CDH4: variants seen among roughly 807,000 people sequenced by gnomAD.
CDH4 encodes the protein cadherin 4, also known as cadherin-4.
In CDH4, 33 loss-of-function variants were observed where a neutral mutation model predicts 86.0. The observed-to-expected ratio is 0.38, with a 90% CI of 0.29 to 0.51. The LOEUF (loss-of-function observed/expected upper bound fraction) is 0.51, where lower values mean the gene tolerates loss of function less well. Among genes scored for constraint, CDH4 ranks in the 20% least tolerant of loss-of-function variants. CDH4 has a pLI of 0.86. For missense variants in CDH4, 1,114 were observed against 1,307.4 expected, an observed-to-expected ratio of 0.85 and a Z score of 2.28; for synonymous variants, 555 against 549.4, an observed-to-expected ratio of 1.01 and a Z score of -0.14.
intron 6 of CDH4, among the ~76,000 whole-genome samples, chr20:61,858,493 ATG>A (rs1983168460): frequency 1.2e-5 from 1 of 86,014 alleles, no homozygotes; most frequent in African/African-American, 4.6e-5. Context: ...CTGTGTCTGT[ATG>A]TGTGTGTCTG....
chr20:61,525,687 C>G (rs922595688), intron 2 of CDH4, among the ~76,000 whole-genome samples: 1 of 152,172 alleles, frequency 6.6e-6, no homozygotes, highest in East Asian at 1.9e-4. Context: ...CTGTTATGTT[C>G]TTATTGATTA....
At chr20:61,934,317 G>A (rs1043090739) in intron 15 of CDH4, 97 bp downstream of exon 15, 127 of 1,328,742 alleles carry the variant, frequency 9.6e-5, no homozygotes, top group South Asian at 3.1e-4. Flanking sequence ...CAGTGCCGGC[G>A]GCTGCCGTGG....
At chr20:61,482,855 C>G (rs866739844) in intron 2 of CDH4, among the ~76,000 whole-genome samples, 2 of 152,342 alleles carry the variant, frequency 1.3e-5, no homozygotes, top group Admixed American at 1.3e-4. Context: ...TTCAGGTTAA[C>G]TGAGTGAATC....
chr20:61,915,499 C>T (rs1191108556), intron 9 of CDH4, among the ~76,000 whole-genome samples: 1 of 152,224 alleles, frequency 6.6e-6, no homozygotes, highest in African/African-American at 2.4e-5. Context: ...CCCAGGGGCC[C>T]TGAGACCCCA....
chr20:61,410,341 A>G (rs2085110791), intron 2 of CDH4, among the ~76,000 whole-genome samples: 1 of 151,816 alleles, frequency 6.6e-6, no homozygotes. Context: ...CCATCTGTCC[A>G]TCATCTTCCA....
Position 61,810,168 on chromosome 20 carries a change from G to A in CDH4, c.577-34500G>A, listed in dbSNP as rs556900565. 2.2e-3 allele frequency among the ~76,000 whole-genome samples: 335 copies of A among 152,332 alleles called. No individual in the cohort carries two copies. Among genetic ancestry groups the A allele is most frequent in the African/African-American group, 7.5e-3 (313 of 41,586 alleles). The stretch of plus-strand genomic sequence containing the variant: ...CTGAGCCTAGACCTGTTCTCAAGAC[G>A]GAGACAGAGATGGGTGAGGGAGGCC... On this transcript the variant is annotated intron_variant, in intron 4 of 15. Transcript: ENST00000614565. This position sits in a 1 kb window ranked among gnomAD's most constrained non-coding sequence, Gnocchi z 4.3.
intron 2 of CDH4, among the ~76,000 whole-genome samples, chr20:61,285,929 G>A (rs975927833): frequency 7.2e-5 from 11 of 152,214 alleles, no homozygotes; most frequent in African/African-American, 2.4e-4. Context: ...CAGGAAAGGC[G>A]GCTCAGAGGC....
intron 2 of CDH4, among the ~76,000 whole-genome samples, chr20:61,423,563 G>T (rs1387939785): frequency 6.6e-6 from 1 of 152,150 alleles, no homozygotes. Context: ...GATGAACTTA[G>T]CATTGACTTT....
chr20:61,662,810 C>A (rs1158727669), intron 2 of CDH4, among the ~76,000 whole-genome samples: 1 of 152,172 alleles, frequency 6.6e-6, no homozygotes, highest in Non-Finnish European at 1.5e-5. Flanking sequence ...TCCTGCAGCA[C>A]CCCAGGGAGG....
intron 2 of CDH4, among the ~76,000 whole-genome samples, chr20:61,347,976 C>T (rs1426546280): frequency 6.6e-6 from 1 of 152,200 alleles, no homozygotes; most frequent in Non-Finnish European, 1.5e-5. Context: ...AGAGTGGAAA[C>T]CCACGTGTGT....
intron 2 of CDH4, among the ~76,000 whole-genome samples, chr20:61,528,263 G>A (rs2145636727): frequency 6.6e-6 from 1 of 151,520 alleles, no homozygotes; most frequent in Non-Finnish European, 1.5e-5. Flanking sequence ...TGTAATCCCA[G>A]CTACTCAGTA....
intron 2 of CDH4, among the ~76,000 whole-genome samples, chr20:61,654,136 T>C (rs1412648381): frequency 2.6e-5 from 4 of 152,104 alleles, no homozygotes; most frequent in African/African-American, 7.2e-5. Flanking sequence ...CTGGGCACCA[T>C]TGAGCACTGA....
At chr20:61,351,264 A>G (rs1455168798) in intron 2 of CDH4, among the ~76,000 whole-genome samples, 2 of 152,142 alleles carry the variant, frequency 1.3e-5, no homozygotes, top group Admixed American at 1.3e-4. Context: ...ATTCTTCCCT[A>G]CACAATACAA....
intron 2 of CDH4, among the ~76,000 whole-genome samples, chr20:61,613,934 G>A (rs944223683): frequency 6.6e-6 from 1 of 151,998 alleles, no homozygotes; most frequent in Non-Finnish European, 1.5e-5. Context: ...CAGCTTAAAT[G>A]TTTGTATGTC....
intron 2 of CDH4, among the ~76,000 whole-genome samples, chr20:61,317,801 G>C (rs140050112): frequency 2.0e-5 from 3 of 152,154 alleles, no homozygotes; most frequent in African/African-American, 7.2e-5. Context: ...CGTTTTTTCC[G>C]TGTGAATTTG....
At chr20:61,693,489 A>G (rs1354885074) in intron 2 of CDH4, among the ~76,000 whole-genome samples, 1 of 152,238 alleles carries the variant, frequency 6.6e-6, no homozygotes, top group Non-Finnish European at 1.5e-5. Flanking sequence ...TGAGTCCCCA[A>G]GGCCGAAGGC....
In CDH4 at chr20:61,508,249, G is replaced by C. The variant is rs533736444; in HGVS notation, c.170-235314G>C. ...TGTAGCAAAACACAGAAGGTCCCAGGCAGTATGTGTGCCCCCCACTGAGTT... is the reference window on the plus strand; with the variant it reads ...TGTAGCAAAACACAGAAGGTCCCAGCCAGTATGTGTGCCCCCCACTGAGTT... On this transcript the variant is annotated intron_variant, in intron 2 of 15. Coordinates refer to ENST00000614565, the MANE Select transcript of CDH4 (RefSeq NM_001794.5). 5.3e-5 allele frequency among the ~76,000 whole-genome samples: 8 copies of C among 152,354 alleles called. No individual in the cohort carries two copies. The South Asian group carries it at 1.7e-3, about 32-fold the overall frequency.
chr20:61,881,873 G>A (rs768357700), intron 7 of CDH4, among the ~76,000 whole-genome samples: 5 of 152,262 alleles, frequency 3.3e-5, no homozygotes, highest in Non-Finnish European at 7.3e-5. Flanking sequence ...CTTTGCAGGT[G>A]TAAAGATCTG....
chr20:61,683,248 T>C (rs946539818), intron 2 of CDH4, among the ~76,000 whole-genome samples: 1 of 152,190 alleles, frequency 6.6e-6, no homozygotes, highest in Non-Finnish European at 1.5e-5. Context: ...TTGAGATCCA[T>C]ATGTTTCTTA....
Sources: allele counts gnomAD v4.1 joint callset (sites outside exome capture counted in the v4.1 genomes callset), GRCh38; gene constraint gnomAD v4.1.1; non-coding constraint Gnocchi (gnomAD v3.1); transcripts MANE v1.5; gene names NCBI Gene and HGNC (gene_info 2026-07-23, HGNC 2026-07-21).